AIG1: variants seen among roughly 807,000 people sequenced by gnomAD.
AIG1 encodes androgen induced 1.
AIG1 carries 23 observed loss-of-function variants against 31.4 expected under a neutral mutation model. The observed-to-expected ratio is 0.73, with a 90% CI of 0.53 to 1.04. AIG1 has a LOEUF of 1.04. Among genes scored for constraint, AIG1 ranks in the 50% least tolerant of loss-of-function variants. AIG1 has a pLI of 0.00. For missense variants in AIG1, 274 were observed against 295.0 expected (o/e 0.93, Z 0.52); for synonymous variants, 100 against 110.5 (o/e 0.90, Z 0.60).
chr6:143,312,078 G>C (rs1283765217), intron 4 of AIG1, among the ~76,000 whole-genome samples: 1 of 151,826 alleles, frequency 6.6e-6, no homozygotes. Flanking sequence ...AAAAGCGGAA[G>C]GATATTCCAT....
chr6:143,182,941 C>T (rs957497782), intron 3 of AIG1, among the ~76,000 whole-genome samples: 2 of 152,182 alleles, frequency 1.3e-5, no homozygotes, highest in African/African-American at 4.8e-5. Context: ...TTGTATTTAA[C>T]GTCACTCTTC....
chr6:143,068,624 CTTA>C (rs1248787202), intron 1 of AIG1, among the ~76,000 whole-genome samples: 4 of 152,158 alleles, frequency 2.6e-5, no homozygotes, highest in Non-Finnish European at 4.4e-5. Flanking sequence ...GCGATACATA[CTTA>C]TTATAGAAAA....
chr6:143,157,547 A>G (rs1213739196), intron 2 of AIG1, among the ~76,000 whole-genome samples: 1 of 150,260 alleles, frequency 6.7e-6, no homozygotes, highest in Non-Finnish European at 1.5e-5. Context: ...TTTAGCACCT[A>G]GTGTTTCACA....
Position 143,277,453 on chromosome 6 carries a change from C to CA in AIG1, c.400-6654dup, listed in dbSNP as rs569115229. Among the ~76,000 whole-genome samples the CA allele has an allele frequency of 4.2e-3, 643 of 152,298 alleles. 1 individual carries two copies. Among genetic ancestry groups the CA allele is most frequent in the Middle Eastern group, 6.8e-3 (2 of 294 alleles). On this transcript the variant is annotated intron_variant, in intron 3 of 5. Transcript: ENST00000357847. ...ATAAGAATACAGGTGCACAGTAACA[C>CA]AAAGATATGCACGTTGCAAAGATAT...
At chr6:143,306,976 C>T (rs1583816272) in intron 4 of AIG1, among the ~76,000 whole-genome samples, 1 of 152,194 alleles carries the variant, frequency 6.6e-6, no homozygotes, top group African/African-American at 2.4e-5. Flanking sequence ...GATACCCTTT[C>T]TTCCAGTTGA....
intron 1 of AIG1, among the ~76,000 whole-genome samples, chr6:143,133,635 TA>T (rs1481387407): frequency 6.6e-6 from 1 of 152,100 alleles, no homozygotes; most frequent in Non-Finnish European, 1.5e-5. Context: ...GATTGCTGAG[TA>T]AAAAGTCCAT....
chr6:143,157,870 C>T (rs1424286339), intron 2 of AIG1, among the ~76,000 whole-genome samples: 2 of 152,072 alleles, frequency 1.3e-5, no homozygotes, highest in African/African-American at 4.8e-5. Context: ...ATATTCCTCT[C>T]TATGTTTTTT....
At chr6:143,294,528 C>A (rs1200075443) in intron 4 of AIG1, among the ~76,000 whole-genome samples, 1 of 152,148 alleles carries the variant, frequency 6.6e-6, no homozygotes, top group African/African-American at 2.4e-5. Context: ...AATAATAAGT[C>A]TCTCATCAGA....
chr6:143,342,491 G>A (rs1777877528), downstream of AIG1: 3 of 789,986 alleles, frequency 3.8e-6, no homozygotes, highest in Middle Eastern at 5.6e-4. Context: ...TGATTCCTCT[G>A]GTGGAAGAAA....
At chr6:143,150,511 C>G (rs1785110587) in intron 2 of AIG1, among the ~76,000 whole-genome samples, 2 of 152,142 alleles carry the variant, frequency 1.3e-5, no homozygotes, top group Non-Finnish European at 2.9e-5. Flanking sequence ...CCACTCATCC[C>G]TACAGATTGT....
intron 3 of AIG1, among the ~76,000 whole-genome samples, chr6:143,218,873 G>A (rs60327570): frequency 0.022 from 3,409 of 152,154 alleles, 114 homozygotes; most frequent in African/African-American, 0.074. Flanking sequence ...CTCAGGTAAC[G>A]CAGAGCAATT....
At chr6:143,086,062 G>T (rs537397512) in intron 1 of AIG1, among the ~76,000 whole-genome samples, 1 of 152,296 alleles carries the variant, frequency 6.6e-6, no homozygotes, top group African/African-American at 2.4e-5. Flanking sequence ...TCACAATGAG[G>T]TTTCCTCTAA....
At chr6:143,141,050 T>C (rs1362835532) in intron 2 of AIG1, among the ~76,000 whole-genome samples, 16 of 152,164 alleles carry the variant, frequency 1.1e-4, no homozygotes, top group Non-Finnish European at 2.2e-4. Context: ...CAGTCAGAAG[T>C]TGAAAGGGAA....
intron 3 of AIG1, among the ~76,000 whole-genome samples, chr6:143,212,514 C>T (rs1791669091): frequency 6.6e-6 from 1 of 152,166 alleles, no homozygotes; most frequent in Admixed American, 6.5e-5. Flanking sequence ...GGGTCTAAGG[C>T]AATGACTTCC....
intron 1 of AIG1, among the ~76,000 whole-genome samples, chr6:143,106,424 A>T (rs1780810817): frequency 6.6e-6 from 1 of 152,182 alleles, no homozygotes; most frequent in South Asian, 2.1e-4. Context: ...TGGCGGCCCT[A>T]GCAGACAAAT....
At chr6:143,281,663 T>A (rs956695448) in intron 3 of AIG1, among the ~76,000 whole-genome samples, 2 of 152,246 alleles carry the variant, frequency 1.3e-5, no homozygotes, top group African/African-American at 4.8e-5. Flanking sequence ...ACATTTATAT[T>A]TGCAGTAGGT....
intron 1 of AIG1, among the ~76,000 whole-genome samples, chr6:143,070,448 A>G (rs564906184): frequency 7.3e-5 from 11 of 151,248 alleles, no homozygotes; most frequent in African/African-American, 2.7e-4. Flanking sequence ...GGTATTTTTA[A>G]TTTTTTTTTA....
chr6:143,232,519 A>G (rs985593203), intron 3 of AIG1, among the ~76,000 whole-genome samples: 1 of 152,164 alleles, frequency 6.6e-6, no homozygotes, highest in Non-Finnish European at 1.5e-5. Flanking sequence ...ACTATCCACC[A>G]TCCCCCAAAC....
intron 2 of AIG1, among the ~76,000 whole-genome samples, chr6:143,162,345 A>G (rs1044246512): frequency 9.2e-5 from 14 of 152,234 alleles, no homozygotes; most frequent in African/African-American, 3.4e-4. Context: ...GCTCTCCCCA[A>G]ACAGTCACCA....
Sources: allele counts gnomAD v4.1 joint callset (sites outside exome capture counted in the v4.1 genomes callset), GRCh38; gene constraint gnomAD v4.1.1; transcripts MANE v1.5; gene names NCBI Gene and HGNC (gene_info 2026-07-23, HGNC 2026-07-21).